DPP10: variants seen among roughly 807,000 people sequenced by gnomAD.
DPP10 encodes dipeptidyl peptidase like 10.
A neutral mutation model predicts 120.9 loss-of-function variants in DPP10; 33 were observed. The ratio of observed to expected loss-of-function variants is 0.27; its 90% CI spans 0.21 to 0.37. DPP10 has a LOEUF of 0.37. DPP10 is among the 10% of genes least tolerant of loss of function. The pLI is 1.00. For synonymous variants in DPP10, 337 were observed against 326.1 expected, an observed-to-expected ratio of 1.03 and a Z score of -0.36; for missense variants, 816 against 942.8, an observed-to-expected ratio of 0.87 and a Z score of 1.76.
At chr2:114,796,585 A>G (rs1683737335) in intron 1 of DPP10, among the ~76,000 whole-genome samples, 1 of 152,094 alleles carries the variant, frequency 6.6e-6, no homozygotes, top group Non-Finnish European at 1.5e-5. Flanking sequence ...TAAAAGTTGT[A>G]CTCAGATTTT....
At chr2:115,212,076 C>T (rs1447092741) in intron 1 of DPP10, among the ~76,000 whole-genome samples, 1 of 152,106 alleles carries the variant, frequency 6.6e-6, no homozygotes, top group African/African-American at 2.4e-5. Context: ...GCTCTGATGC[C>T]TTTGTCAAGT....
At chr2:115,071,419 T>A (rs1456911107) in intron 1 of DPP10, among the ~76,000 whole-genome samples, 5 of 152,136 alleles carry the variant, frequency 3.3e-5, no homozygotes, top group African/African-American at 1.2e-4. Flanking sequence ...AGACAATGAG[T>A]GTTGCCTGGG....
At chr2:115,765,305 G>A (rs2149800304) in intron 12 of DPP10, among the ~76,000 whole-genome samples, 1 of 152,112 alleles carries the variant, frequency 6.6e-6, no homozygotes, top group East Asian at 1.9e-4. Flanking sequence ...AAGTACAAAG[G>A]GAGAACGGTA....
intron 2 of DPP10, among the ~76,000 whole-genome samples, chr2:115,338,969 G>A (rs1163542400): frequency 6.6e-6 from 1 of 152,070 alleles, no homozygotes; most frequent in African/African-American, 2.4e-5. Context: ...CATAAATATT[G>A]ATACCTTTTT....
At chr2:115,593,534 T>A (rs1035806904) in intron 5 of DPP10, among the ~76,000 whole-genome samples, 1 of 151,792 alleles carries the variant, frequency 6.6e-6, no homozygotes, top group African/African-American at 2.4e-5. Flanking sequence ...CAGTTTTAAT[T>A]TCTAATAATT....
At chr2:115,389,493 C>T (rs1321709916) in intron 3 of DPP10, among the ~76,000 whole-genome samples, 1 of 152,180 alleles carries the variant, frequency 6.6e-6, no homozygotes, top group Admixed American at 6.5e-5. Context: ...TGCTACCTCT[C>T]ACATGAGCCT....
In DPP10 at chr2:115,133,562, G is replaced by C. The variant is rs150068865; in HGVS notation, c.61-175677G>C. ...TACTTAATGCCAAAAACTTTATCAGGCGTCGTGAGGTATCTATTATATAAA... is the reference window on the plus strand; with the variant it reads ...TACTTAATGCCAAAAACTTTATCAGCCGTCGTGAGGTATCTATTATATAAA... On this transcript the variant is annotated intron_variant, in intron 1 of 25. Transcript: ENST00000410059. Among the ~76,000 whole-genome samples the C allele has an allele frequency of 4.7e-3, 711 of 152,146 alleles. 8 individuals are homozygous for C. The highest frequency in any genetic ancestry group is 0.016 in the African/African-American group (665 of 41,520).
chr2:114,936,159 G>A (rs900450089), intron 1 of DPP10, among the ~76,000 whole-genome samples: 2 of 151,974 alleles, frequency 1.3e-5, no homozygotes, highest in East Asian at 2.0e-4. Flanking sequence ...CTTTCCCCAA[G>A]TCCCCGAAGT....
intron 4 of DPP10, among the ~76,000 whole-genome samples, chr2:115,504,905 T>C (rs1232079972): frequency 1.3e-5 from 2 of 152,122 alleles, no homozygotes; most frequent in Non-Finnish European, 2.9e-5. Flanking sequence ...GAGGAAATAG[T>C]CTTGTTGCTT....
At chr2:114,690,591 A>T (rs181172650) in intron 1 of DPP10, among the ~76,000 whole-genome samples, 116 of 151,940 alleles carry the variant, frequency 7.6e-4, no homozygotes, top group Admixed American at 5.6e-3. Context: ...CCATGTGAAT[A>T]TACAAATATT....
At chr2:115,519,741 A>G (rs1238010375) in intron 4 of DPP10, among the ~76,000 whole-genome samples, 1 of 151,708 alleles carries the variant, frequency 6.6e-6, no homozygotes, top group Non-Finnish European at 1.5e-5. Flanking sequence ...GCTTCTCTTG[A>G]TTTCCCTTTT....
At chr2:115,214,640 T>A (rs2056710101) in intron 1 of DPP10, among the ~76,000 whole-genome samples, 1 of 152,210 alleles carries the variant, frequency 6.6e-6, no homozygotes, top group African/African-American at 2.4e-5. Flanking sequence ...TATGAAATTG[T>A]CAGAATCTGT....
chr2:115,390,104 C>T (rs1313959913), intron 3 of DPP10, among the ~76,000 whole-genome samples: 2 of 152,148 alleles, frequency 1.3e-5, no homozygotes, highest in South Asian at 4.1e-4. Context: ...CTCGTCAGCT[C>T]TTATTACAGT....
At chr2:115,682,969 TATTA>T (rs2090756077) in intron 5 of DPP10, among the ~76,000 whole-genome samples, 2 of 151,922 alleles carry the variant, frequency 1.3e-5, no homozygotes, top group African/African-American at 4.8e-5. Context: ...AATAGTACTT[TATTA>T]TACATCTTGT....
rs193063328 is a variant in DPP10 at position 115,197,936 on chromosome 2, T to A, written c.61-111303T>A. ...AAAGAGCAATTTCAGTAATTTGTAG[T>A]GTATCTCTGGACGTGATAAATGCTA... On this transcript the variant is annotated intron_variant, in intron 1 of 25. Transcript: ENST00000410059. Among the ~76,000 whole-genome samples the A allele has an allele frequency of 1.1e-3, 167 of 152,302 alleles. 1 individual carries two copies. Among genetic ancestry groups the A allele is most frequent in the Middle Eastern group, 0.01 (3 of 294 alleles).
chr2:115,739,565 C>T (rs886674115), intron 8 of DPP10, among the ~76,000 whole-genome samples, 174 bp from the exon 9 acceptor site: 2 of 152,018 alleles, frequency 1.3e-5, no homozygotes, highest in Non-Finnish European at 2.9e-5. Flanking sequence ...GCTGCTTGCT[C>T]TTCCTGGAAT....
At chr2:115,794,107 T>A (rs550630643) in intron 19 of DPP10, among the ~76,000 whole-genome samples, 1 of 152,326 alleles carries the variant, frequency 6.6e-6, no homozygotes, top group Admixed American at 6.5e-5. Flanking sequence ...AAATGAGCAA[T>A]TAGACAGTGA....
At chr2:115,208,201 TTTTC>T (rs2056283170) in intron 1 of DPP10, among the ~76,000 whole-genome samples, 1 of 139,664 alleles carries the variant, frequency 7.2e-6, no homozygotes, top group Non-Finnish European at 1.5e-5. Flanking sequence ...CTTTTTTTTT[TTTTC>T]TTTTTTTTTT....
At chr2:115,676,492 G>A (rs1301204039) in intron 5 of DPP10, among the ~76,000 whole-genome samples, 1 of 152,014 alleles carries the variant, frequency 6.6e-6, no homozygotes, top group African/African-American at 2.4e-5. Context: ...TCAATAAAAA[G>A]ATAGCTGTAT....
Sources: gnomAD v4.1 joint callset for allele counts (sites outside exome capture counted in the v4.1 genomes callset) on GRCh38, gnomAD v4.1.1 for gene constraint, MANE v1.5 for transcripts, NCBI Gene and HGNC (gene_info 2026-07-23, HGNC 2026-07-21) for gene names.